The following PRKCQ variants were observed in gnomAD, a reference collection of about 807,000 sequenced individuals.
PRKCQ encodes the protein protein kinase C theta.
A neutral mutation model predicts 91.2 loss-of-function variants in PRKCQ; 41 were observed. That is an observed-to-expected ratio of 0.45 (90% CI 0.35 to 0.58). The LOEUF (loss-of-function observed/expected upper bound fraction) is 0.58, where lower values mean the gene tolerates loss of function less well. Among genes scored for constraint, PRKCQ ranks in the 20% least tolerant of loss-of-function variants. The pLI is 0.00. For missense variants in PRKCQ, 673 were observed against 896.5 expected, an observed-to-expected ratio of 0.75 and a Z score of 3.18; for synonymous variants, 307 against 316.9, an observed-to-expected ratio of 0.97 and a Z score of 0.33.
At chr10:6,492,727 A>G (rs1837389926) in intron 7 of PRKCQ, among the ~76,000 whole-genome samples, 1 of 152,268 alleles carries the variant, frequency 6.6e-6, no homozygotes, top group Non-Finnish European at 1.5e-5. Context: ...TTGCAGGAAC[A>G]ACAAAACACT....
At chr10:6,579,475 G>A (rs1841370742) in intron 1 of PRKCQ, among the ~76,000 whole-genome samples, 1 of 152,038 alleles carries the variant, frequency 6.6e-6, no homozygotes, top group African/African-American at 2.4e-5. Flanking sequence ...CATGCCCACG[G>A]GGGAGTGCAC....
intron 17 of PRKCQ, 30 bp from the exon 18 acceptor site, chr10:6,428,392 GA>G: frequency 1.3e-6 from 2 of 1,599,678 alleles, no homozygotes; most frequent in Non-Finnish European, 1.7e-6. Flanking sequence ...AAGAAAGAAA[GA>G]GAAGAAAAAT....
chr10:6,482,460 C>T (rs980248986), intron 11 of PRKCQ, among the ~76,000 whole-genome samples: 1 of 152,052 alleles, frequency 6.6e-6, no homozygotes, highest in African/African-American at 2.4e-5. Context: ...TGCAGACATG[C>T]ACAGGAGGAA....
chr10:6,429,635 C>T (rs1833305516), intron 17 of PRKCQ, among the ~76,000 whole-genome samples: 1 of 152,170 alleles, frequency 6.6e-6, no homozygotes, highest in African/African-American at 2.4e-5. Flanking sequence ...GGCTGGCAAA[C>T]CCACAACTTT....
the PRKCQ span, among the ~76,000 whole-genome samples, chr10:6,402,569 A>G: frequency 2.4e-4 from 36 of 152,264 alleles, no homozygotes; most frequent in Non-Finnish European, 4.7e-4. Context: ...ACAATTTCAA[A>G]GAAGAGTGGC....
chr10:6,443,217 C>T (rs946854830), intron 15 of PRKCQ, among the ~76,000 whole-genome samples: 7 of 152,192 alleles, frequency 4.6e-5, no homozygotes, highest in African/African-American at 7.2e-5. Context: ...TTCTGCTCAG[C>T]GTCTGACATC....
intron 10 of PRKCQ, among the ~76,000 whole-genome samples, chr10:6,483,958 A>G (rs1836762668): frequency 6.6e-6 from 1 of 152,276 alleles, no homozygotes; most frequent in African/African-American, 2.4e-5. Flanking sequence ...TAGGGATTTT[A>G]ACCAAATTTT....
At chr10:6,542,017 C>T (rs1839792628) in intron 1 of PRKCQ, among the ~76,000 whole-genome samples, 1 of 152,202 alleles carries the variant, frequency 6.6e-6, no homozygotes, top group Non-Finnish European at 1.5e-5. Flanking sequence ...AAAGCAACCA[C>T]ACCTTCTCAA....
the PRKCQ span, among the ~76,000 whole-genome samples, chr10:6,415,939 G>T: frequency 6.6e-6 from 1 of 151,852 alleles, no homozygotes; most frequent in Non-Finnish European, 1.5e-5. Flanking sequence ...TAGAGATGGG[G>T]TTTCACTATA....
the PRKCQ span, among the ~76,000 whole-genome samples, chr10:6,411,331 T>A: frequency 1.3e-5 from 2 of 152,156 alleles, no homozygotes; most frequent in African/African-American, 4.8e-5. Context: ...TCAGTAAATA[T>A]TAGCTATGAT....
intron 1 of PRKCQ, among the ~76,000 whole-genome samples, chr10:6,574,056 C>A (rs769486199): frequency 3.3e-5 from 5 of 152,206 alleles, no homozygotes; most frequent in Non-Finnish European, 7.3e-5. Flanking sequence ...GCGGAGGCTG[C>A]TGTGAGCTGA....
chr10:6,497,331 C>A lies in PRKCQ; in HGVS notation c.543-80G>T. 6.6e-7 allele frequency: 1 copy of A among 1,509,306 alleles called. No individual in the cohort carries two copies. The highest frequency in any genetic ancestry group is 2.3e-5 in the East Asian group (1 of 44,354). The allele number at this position is 1,509,306 out of a possible 1,614,324, so 93.5% of individuals were successfully genotyped here. A position where few individuals can be genotyped will look rare whatever the true frequency, so the allele number is the denominator to read the frequency against. ...ACAGCATTTAAGAGATGGATGAGAT[C>A]TCATAACCCCCTAAGATCACAGAGC... On this transcript the variant is annotated intron_variant, in intron 5 of 17. Transcript: ENST00000263125. This position sits in a 1 kb window ranked among gnomAD's most constrained non-coding sequence, Gnocchi z 4.5.
chr10:6,436,465 T>G (rs572296692), intron 16 of PRKCQ, among the ~76,000 whole-genome samples: 45 of 152,224 alleles, frequency 3.0e-4, no homozygotes, highest in African/African-American at 1.0e-3. Flanking sequence ...CTTATGCCAT[T>G]TTATCACATG....
intron 1 of PRKCQ, among the ~76,000 whole-genome samples, chr10:6,567,608 C>G (rs999145833): frequency 2.0e-5 from 3 of 152,230 alleles, no homozygotes; most frequent in Admixed American, 6.5e-5. Context: ...GGGGTACAAG[C>G]TGGAAACCTC....
At chr10:6,449,379 GA>G (rs1564305662) in intron 15 of PRKCQ, among the ~76,000 whole-genome samples, 1 of 152,080 alleles carries the variant, frequency 6.6e-6, no homozygotes, top group Non-Finnish European at 1.5e-5. Flanking sequence ...GGGAAGTTTA[GA>G]GAAAAAAGAA....
At chr10:6,477,157 A>C (rs1475269335) in intron 12 of PRKCQ, among the ~76,000 whole-genome samples, 1 of 152,082 alleles carries the variant, frequency 6.6e-6, no homozygotes, top group African/African-American at 2.4e-5. Flanking sequence ...TGCCCATTCA[A>C]ATTCCTCTTT....
chr10:6,513,220 A>T (rs923834690), intron 2 of PRKCQ, among the ~76,000 whole-genome samples: 1 of 152,174 alleles, frequency 6.6e-6, no homozygotes, highest in Non-Finnish European at 1.5e-5. Context: ...GCAGCCTTAC[A>T]CCCCAAGAAC....
chr10:6,454,741 G>A (rs530379294), intron 15 of PRKCQ, among the ~76,000 whole-genome samples: 4 of 152,112 alleles, frequency 2.6e-5, no homozygotes, highest in Non-Finnish European at 4.4e-5. Flanking sequence ...GTCTGCAGCA[G>A]GAAGAAGTGC....
intron 1 of PRKCQ, among the ~76,000 whole-genome samples, chr10:6,559,824 TG>T (rs1427226749): frequency 8.2e-4 from 3 of 3,648 alleles, no homozygotes; most frequent in Non-Finnish European, 9.7e-3. Flanking sequence ...CTTTGAGTTT[TG>T]TGTGTGTGTG....
Sources: allele counts gnomAD v4.1 joint callset (sites outside exome capture counted in the v4.1 genomes callset), GRCh38; gene constraint gnomAD v4.1.1; non-coding constraint Gnocchi (gnomAD v3.1); transcripts MANE v1.5; gene names NCBI Gene and HGNC (gene_info 2026-07-23, HGNC 2026-07-21).